HDAC4: variants seen among roughly 807,000 people sequenced by gnomAD.
The protein encoded by HDAC4 is histone deacetylase A.
HDAC4 carries 16 observed loss-of-function variants against 135.1 expected under a neutral mutation model. The ratio of observed to expected loss-of-function variants is 0.12; its 90% confidence interval spans 0.08 to 0.18. The LOEUF (loss-of-function observed/expected upper bound fraction) is 0.18, where lower values mean the gene tolerates loss of function less well. Ranked by LOEUF, HDAC4 falls within the 10% of genes least tolerant of loss-of-function variation. The pLI, the probability that HDAC4 is intolerant of heterozygous loss-of-function variation, is 1.00. For missense variants in HDAC4, 1,143 were observed against 1,511.8 expected (o/e 0.76, Z 4.05); for synonymous variants, 685 against 653.4 (o/e 1.05, Z -0.74).
rs1308392942 is a variant in HDAC4, at chr2:239,280,825, A to G, written c.23-44161T>C. On this transcript the variant is annotated intron_variant, in intron 2 of 26. Transcript: ENST00000543185. ...CTACACACAATGTACACACCACTCTACAATGTACACACCACTCTCCACACA... is the reference window on the plus strand; with the variant it reads ...CTACACACAATGTACACACCACTCTGCAATGTACACACCACTCTCCACACA... 6.9e-5 allele frequency among the ~76,000 whole-genome samples: 10 copies of G among 145,110 alleles called. No individual in the cohort carries two copies. The East Asian group carries it at 1.9e-3, about 28-fold the overall frequency.
At chr2:239,350,696 G>A (rs888748186) in intron 2 of HDAC4, among the ~76,000 whole-genome samples, 1 of 152,084 alleles carries the variant, frequency 6.6e-6, no homozygotes, top group African/African-American at 2.4e-5. Flanking sequence ...TAGAGATGGG[G>A]TTTCACTATG....
At chr2:239,159,501 CCA>C (rs1456100261) in intron 6 of HDAC4, among the ~76,000 whole-genome samples, 6 of 148,914 alleles carry the variant, frequency 4.0e-5, no homozygotes, top group East Asian at 2.0e-4. Flanking sequence ...CCCCACACAC[CCA>C]CACTTCATGC....
chr2:239,363,367 A>G (rs1472879430), intron 1 of HDAC4, among the ~76,000 whole-genome samples: 3 of 152,244 alleles, frequency 2.0e-5, no homozygotes, highest in Non-Finnish European at 4.4e-5. Flanking sequence ...GGGGACTCAC[A>G]CTACCAAATA....
chr2:239,291,260 T>TGGCTC (rs958106579), intron 2 of HDAC4, among the ~76,000 whole-genome samples: 2 of 152,170 alleles, frequency 1.3e-5, no homozygotes, highest in Non-Finnish European at 2.9e-5. Flanking sequence ...TTCCAAGGCA[T>TGGCTC]GGCTCGCCTG....
At chr2:239,380,151 G>C (rs1695313522) in intron 1 of HDAC4, among the ~76,000 whole-genome samples, 1 of 152,238 alleles carries the variant, frequency 6.6e-6, no homozygotes, top group African/African-American at 2.4e-5. Context: ...TTCAGAGAAA[G>C]AAAACAGCAC....
chr2:239,117,796 G>A (rs1036818536), intron 12 of HDAC4, among the ~76,000 whole-genome samples: 10 of 152,158 alleles, frequency 6.6e-5, no homozygotes, highest in Admixed American at 2.0e-4. Flanking sequence ...GAGGGACGGT[G>A]GGACAAGCCG....
intron 3 of HDAC4, among the ~76,000 whole-genome samples, chr2:239,231,723 G>C (rs13401419): frequency 0.012 from 204 of 17,658 alleles, 12 homozygotes; most frequent in African/African-American, 0.037. Flanking sequence ...AAGCGCCCCT[G>C]TCCTCAACCG....
chr2:239,252,800 C>T (rs2048854267), intron 2 of HDAC4, among the ~76,000 whole-genome samples: 1 of 152,214 alleles, frequency 6.6e-6, no homozygotes, highest in South Asian at 2.1e-4. Context: ...AATATAATCC[C>T]TTATCTTCTG....
At chr2:239,239,564 C>A (rs751292110) in intron 2 of HDAC4, among the ~76,000 whole-genome samples, 1 of 152,180 alleles carries the variant, frequency 6.6e-6, no homozygotes, top group Non-Finnish European at 1.5e-5. Context: ...GAAAGGCTCG[C>A]TGGACACTCA....
chr2:239,247,574 G>A (rs1037262695), intron 2 of HDAC4, among the ~76,000 whole-genome samples: 1 of 152,198 alleles, frequency 6.6e-6, no homozygotes, highest in Admixed American at 6.5e-5. Context: ...CACCAAACGT[G>A]ACTCAGCAAC....
At chr2:239,223,849 A>G (rs1310304229) in intron 3 of HDAC4, among the ~76,000 whole-genome samples, 1 of 151,350 alleles carries the variant, frequency 6.6e-6, no homozygotes, top group African/African-American at 2.4e-5. Flanking sequence ...CTAAGCAAAC[A>G]TTGTTTAAAA....
Position 239,236,651 on chromosome 2 carries a change from G to A in HDAC4, c.36C>T (p.Gly12=). The A allele has an allele frequency of 6.4e-7, 1 of 1,551,640 alleles. No homozygotes were observed. The highest frequency in any genetic ancestry group is 8.7e-7 in the Non-Finnish European group (1 of 1,146,918). ...SSQSHPDGLS[G]RDQPVELLNP... ...TCAGCAGCTCCACTGGCTGGTCTCG[G>A]CCAGAAAGTCCATCTGGAGAACAGA... is the stretch of plus-strand genomic sequence containing the variant. The change falls in exon 3 of 27, where the codon GGC becomes GGT. Residue 12 remains glycine, a synonymous_variant. Transcript: ENST00000543185.
intron 1 of HDAC4, among the ~76,000 whole-genome samples, chr2:239,375,574 C>G (rs985357898): frequency 6.6e-6 from 1 of 152,242 alleles, no homozygotes; most frequent in East Asian, 1.9e-4. Context: ...GGCACTCACG[C>G]CTACCTGGCA....
At chr2:239,173,662 A>G (rs1402451039) in intron 5 of HDAC4, among the ~76,000 whole-genome samples, 1 of 152,240 alleles carries the variant, frequency 6.6e-6, no homozygotes, top group African/African-American at 2.4e-5. Context: ...ATCTCAGCCC[A>G]TTCTATATAA....
At chr2:239,053,189 A>G in intron 26 of HDAC4, 53 bp from the exon 27 acceptor site, 1 of 1,605,834 alleles carries the variant, frequency 6.2e-7, no homozygotes, top group Non-Finnish European at 8.5e-7. Context: ...TGCACCACAG[A>G]GAGGAGAGAA....
At chr2:239,207,996 C>A (rs1197086295) in intron 3 of HDAC4, among the ~76,000 whole-genome samples, 1 of 151,978 alleles carries the variant, frequency 6.6e-6, no homozygotes, top group Non-Finnish European at 1.5e-5. Context: ...GAAAAGACAG[C>A]AGACCAATAC....
intron 6 of HDAC4, among the ~76,000 whole-genome samples, chr2:239,161,378 G>T (rs2042782044): frequency 6.6e-6 from 1 of 152,114 alleles, no homozygotes; most frequent in South Asian, 2.1e-4. Context: ...CCCCATCAAG[G>T]TTGGGAAAAG....
At chr2:239,385,639 G>A (rs577308203) in intron 1 of HDAC4, among the ~76,000 whole-genome samples, 47 of 152,328 alleles carry the variant, frequency 3.1e-4, no homozygotes, top group African/African-American at 1.1e-3. Context: ...TAAGGAACAC[G>A]CACACGCCTG....
chr2:239,277,612 C>A (rs763879401), intron 2 of HDAC4, among the ~76,000 whole-genome samples: 1 of 152,178 alleles, frequency 6.6e-6, no homozygotes, highest in African/African-American at 2.4e-5. Context: ...TCTCACCGCA[C>A]GCATCCCCGG....
Sources: allele counts gnomAD v4.1 joint callset (sites outside exome capture counted in the v4.1 genomes callset), GRCh38; gene constraint gnomAD v4.1.1; transcripts MANE v1.5; gene names NCBI Gene and HGNC (gene_info 2026-07-23, HGNC 2026-07-21).